Variants in SHROOM3 observed in about 807,000 individuals in gnomAD.
SHROOM3 encodes protein Shroom3.
In SHROOM3, 47 loss-of-function variants were observed where a neutral mutation model predicts 138.6. The observed-to-expected ratio is 0.34, with a 90% CI of 0.27 to 0.43. The LOEUF (loss-of-function observed/expected upper bound fraction) is 0.43, where lower values mean the gene tolerates loss of function less well. Ranked by LOEUF, SHROOM3 falls within the 20% of genes least tolerant of loss-of-function variation. The probability of loss-of-function intolerance (pLI) is 1.00; values close to 1 mark genes in which losing one functional copy is unlikely to be tolerated. For missense variants in SHROOM3, 2,491 were observed against 2,596.5 expected (o/e 0.96, Z 0.88); for synonymous variants, 1,062 against 1,063.3 (o/e 1.00, Z 0.02).
At chr4:76,690,339 C>T (rs544968888) in intron 2 of SHROOM3, among the ~76,000 whole-genome samples, 1 of 152,314 alleles carries the variant, frequency 6.6e-6, no homozygotes, top group South Asian at 2.1e-4. Flanking sequence ...ATGTATTTCT[C>T]TTCCTCTAGG....
chr4:76,488,137 T>G (rs1731771462), intron 1 of SHROOM3, among the ~76,000 whole-genome samples: 1 of 152,128 alleles, frequency 6.6e-6, no homozygotes, highest in Non-Finnish European at 1.5e-5. Context: ...AAAGAGTGTA[T>G]AGTATTGAAG....
chr4:76,578,024 T>A (rs185139329), intron 2 of SHROOM3, among the ~76,000 whole-genome samples: 1 of 152,300 alleles, frequency 6.6e-6, no homozygotes, highest in East Asian at 1.9e-4. Context: ...CCTCCACCAA[T>A]CCTTATAATG....
chr4:76,562,390 ACAC>A (rs1250760458), intron 2 of SHROOM3, among the ~76,000 whole-genome samples: 2 of 152,214 alleles, frequency 1.3e-5, no homozygotes, highest in South Asian at 2.1e-4. Context: ...TGGTTGGCTG[ACAC>A]ACTTGCTACC....
At chr4:76,708,655 C>T (rs79421086) in intron 2 of SHROOM3, among the ~76,000 whole-genome samples, 11 of 152,146 alleles carry the variant, frequency 7.2e-5, no homozygotes, top group East Asian at 1.9e-4. Context: ...TTCTAGTCAC[C>T]GATTGTTCCT....
chr4:76,574,597 TAAACTC>T (rs1733900123), intron 2 of SHROOM3, among the ~76,000 whole-genome samples: 1 of 152,212 alleles, frequency 6.6e-6, no homozygotes, highest in Non-Finnish European at 1.5e-5. Flanking sequence ...ATTAGCTACA[TAAACTC>T]AAATCATTTT....
At chr4:76,535,911 T>A (rs1475055079) in intron 1 of SHROOM3, among the ~76,000 whole-genome samples, 1 of 152,146 alleles carries the variant, frequency 6.6e-6, no homozygotes, top group East Asian at 1.9e-4. Flanking sequence ...AAGAGAAGAA[T>A]AAGCCACAGG....
chr4:76,754,675 C>T lies in SHROOM3; in HGVS notation c.4192C>T (p.Pro1398Ser), dbSNP rs145940717. The T allele has an allele frequency of 7.6e-4, 1,233 of 1,614,160 alleles. 15 individuals are homozygous for T. The highest frequency in any genetic ancestry group is 4.6e-5 in the Non-Finnish European group (54 of 1,180,026). The part of the protein sequence containing the change: ...RSNGHTLTQP[P>S]GPRGCEGDGP... ...CAATGGTCACACCCTGACCCAGCCT[C>T]CCGGTCCAAGAGGCTGTGAGGGCGA... Residue 1398 changes from proline to serine, a missense_variant, in exon 7 of 11, where the codon CCC becomes TCC. Transcript: ENST00000296043.
chr4:76,578,372 G>C (rs1234816925), intron 2 of SHROOM3, among the ~76,000 whole-genome samples: 1 of 152,194 alleles, frequency 6.6e-6, no homozygotes, highest in Non-Finnish European at 1.5e-5. Context: ...AGGGTGACAA[G>C]CAAGTACTTG....
chr4:76,641,396 C>T (rs980627268), intron 2 of SHROOM3, among the ~76,000 whole-genome samples: 1 of 152,074 alleles, frequency 6.6e-6, no homozygotes, highest in Non-Finnish European at 1.5e-5. Flanking sequence ...CCCAGAACCA[C>T]CCACCCACAG....
chr4:76,500,763 T>C (rs1052848616), intron 1 of SHROOM3, among the ~76,000 whole-genome samples: 1 of 151,262 alleles, frequency 6.6e-6, no homozygotes, highest in African/African-American at 2.4e-5. Flanking sequence ...TTTGGTAAAG[T>C]ATCTAAATCT....
chr4:76,702,645 T>G (rs931080060), intron 2 of SHROOM3, among the ~76,000 whole-genome samples: 2 of 152,174 alleles, frequency 1.3e-5, no homozygotes, highest in Non-Finnish European at 2.9e-5. Flanking sequence ...AGCCTGCTGC[T>G]TGTTGGAGTT....
At chr4:76,681,135 T>C (rs141882076) in intron 2 of SHROOM3, among the ~76,000 whole-genome samples, 1 of 152,348 alleles carries the variant, frequency 6.6e-6, no homozygotes, top group East Asian at 1.9e-4. Flanking sequence ...TGATGTCACT[T>C]GCAGTTCCAC....
At chr4:76,605,234 G>A (rs955194263) in intron 2 of SHROOM3, among the ~76,000 whole-genome samples, 12 of 152,182 alleles carry the variant, frequency 7.9e-5, no homozygotes, top group African/African-American at 2.7e-4. Flanking sequence ...GGCCATGACA[G>A]CATCATCAGA....
chr4:76,741,809 G>C lies in SHROOM3; in HGVS notation c.3636G>C (p.Trp1212Cys). 1 of 1,587,490 alleles carries C rather than the reference G, an allele frequency of 6.3e-7. No homozygotes were observed. The highest frequency in any genetic ancestry group is 8.6e-7 in the Non-Finnish European group (1 of 1,167,494). The change falls in exon 5 of 11, where the codon TGG (tryptophan) becomes TGC (cysteine). Residue 1212 changes from tryptophan (W) to cysteine (C), a missense_variant. Physicochemically the swap from Trp to Cys is radical, Grantham distance 215. Around this residue, in one of 4 missense-constraint regions of SHROOM3, gnomAD observed 1,733 missense variants for 1,661.6 expected, o/e 1.04. Coordinates refer to ENST00000296043, the MANE Select transcript of SHROOM3 (RefSeq NM_020859.4). The surrounding 1 kb of genome is among the most constrained non-coding windows in gnomAD (Gnocchi z 6.2). ...GDETPREPSS[W>C]GARAGKSMSA... is the part of the protein sequence containing the mutation. ...AGACCCCCAGGGAGCCATCCTCCTG[G>C]GGGGCCAGGGCCGGGAAGTCCATGT...
At chr4:76,711,282 C>T (rs1032035808) in intron 3 of SHROOM3, among the ~76,000 whole-genome samples, 8 of 152,094 alleles carry the variant, frequency 5.3e-5, no homozygotes, top group Admixed American at 2.6e-4. Flanking sequence ...ATAACTGATC[C>T]GCCTCCTAGG....
chr4:76,480,101 TGACA>T (rs1731573374), intron 1 of SHROOM3, among the ~76,000 whole-genome samples: 2 of 152,328 alleles, frequency 1.3e-5, no homozygotes, highest in East Asian at 3.9e-4. Flanking sequence ...AGCATCATAC[TGACA>T]GGATCAAATT....
intron 2 of SHROOM3, among the ~76,000 whole-genome samples, chr4:76,607,026 A>G (rs1734637715): frequency 6.6e-6 from 1 of 151,526 alleles, no homozygotes; most frequent in African/African-American, 2.4e-5. Context: ...ATTTATATGT[A>G]TGTGTGTGTG....
At chr4:76,684,374 C>G (rs893534101) in intron 2 of SHROOM3, among the ~76,000 whole-genome samples, 11 of 152,180 alleles carry the variant, frequency 7.2e-5, no homozygotes, top group African/African-American at 2.7e-4. Context: ...CTGAGGCTAT[C>G]CCTGTAGGTC....
chr4:76,440,181 C>G (rs567720069), intron 1 of SHROOM3, among the ~76,000 whole-genome samples: 29 of 152,348 alleles, frequency 1.9e-4, no homozygotes, highest in African/African-American at 6.3e-4. Flanking sequence ...GTTCCAGGCT[C>G]TATTCCAAGA....
Sources: allele counts gnomAD v4.1 joint callset (sites outside exome capture counted in the v4.1 genomes callset), GRCh38; gene constraint gnomAD v4.1.1; regional missense constraint gnomAD v4.1.1; non-coding constraint Gnocchi (gnomAD v3.1); transcripts MANE v1.5; gene names NCBI Gene and HGNC (gene_info 2026-07-23, HGNC 2026-07-21).